AMBRA1: variants seen among roughly 807,000 people sequenced by gnomAD.
The protein encoded by AMBRA1 is activating molecule in BECN1-regulated autophagy protein 1.
AMBRA1 carries 47 observed loss-of-function variants against 125.4 expected under a neutral mutation model. The ratio of observed to expected loss-of-function variants is 0.37; its 90% CI spans 0.30 to 0.48. The LOEUF (loss-of-function observed/expected upper bound fraction) is 0.48, where lower values mean the gene tolerates loss of function less well. AMBRA1 is among the 20% of genes least tolerant of loss of function. AMBRA1 has a pLI of 0.99. For synonymous variants in AMBRA1, 626 were observed against 655.5 expected (o/e 0.95, Z 0.69); for missense variants, 1,331 against 1,693.4 (o/e 0.79, Z 3.76).
rs1234038635 is a variant in AMBRA1, at chr11:46,545,170, G to C, written c.551+434C>G. ...AAAAAAAAAAAAAAGCCGGGGGGGG[G>C]GGGGTGGTGGTGGGCATGGTGGCTC... On this transcript the variant is annotated intron_variant, in intron 5 of 17. Coordinates refer to ENST00000683756, the MANE Select transcript of AMBRA1 (RefSeq NM_001387011.1). Among the ~76,000 whole-genome samples, 15 of 142,606 alleles carry C rather than the reference G, an allele frequency of 1.1e-4. 2 individuals are homozygous for C. Among genetic ancestry groups the C allele is most frequent in the South Asian group, 4.8e-4 (2 of 4,182 alleles). 93.6% of individuals were successfully genotyped at this position (142,606 alleles called of 152,430 possible).
At chr11:46,577,452 G>C (rs796691002) in intron 1 of AMBRA1, among the ~76,000 whole-genome samples, 1 of 152,052 alleles carries the variant, frequency 6.6e-6, no homozygotes, top group Non-Finnish European at 1.5e-5. Flanking sequence ...GTTATCAGGG[G>C]CTGGAGGAAG....
At chr11:46,525,674 C>A (rs572541382) in intron 7 of AMBRA1, among the ~76,000 whole-genome samples, 29 of 152,186 alleles carry the variant, frequency 1.9e-4, no homozygotes, top group East Asian at 1.7e-3. Context: ...TCATTTGAAT[C>A]CGGGAGGCGG....
chr11:46,580,278 C>A (rs1406931069), intron 1 of AMBRA1, among the ~76,000 whole-genome samples: 1 of 152,168 alleles, frequency 6.6e-6, no homozygotes, highest in Non-Finnish European at 1.5e-5. Context: ...CTACTCTATA[C>A]TTGTTCTCTA....
chr11:46,520,640 G>C (rs907886678), intron 7 of AMBRA1, among the ~76,000 whole-genome samples: 1 of 149,196 alleles, frequency 6.7e-6, no homozygotes, highest in Non-Finnish European at 1.5e-5. Flanking sequence ...CTGTCACCAA[G>C]GCTGGAGTGC....
intron 17 of AMBRA1, among the ~76,000 whole-genome samples, chr11:46,400,889 C>G (rs1178582583): frequency 6.6e-6 from 1 of 152,200 alleles, no homozygotes; most frequent in Non-Finnish European, 1.5e-5. Flanking sequence ...TGCCCTTCCC[C>G]ACTTCCTCCT....
At chr11:46,557,831 G>A (rs1409678842) in intron 1 of AMBRA1, among the ~76,000 whole-genome samples, 1 of 151,950 alleles carries the variant, frequency 6.6e-6, no homozygotes, top group East Asian at 1.9e-4. Flanking sequence ...ACATAGCCCG[G>A]CATGGTGATG....
intron 11 of AMBRA1, chr11:46,490,925 G>A (rs1950436569): frequency 6.6e-6 from 1 of 152,166 alleles, no homozygotes; most frequent in African/African-American, 2.4e-5. Context: ...GCCTTTCCAG[G>A]AAAATTGGGA....
At chr11:46,563,316 C>G (rs1216440396) in intron 1 of AMBRA1, among the ~76,000 whole-genome samples, 1 of 152,094 alleles carries the variant, frequency 6.6e-6, no homozygotes, top group East Asian at 1.9e-4. Flanking sequence ...ACTTGACTTC[C>G]CAGGAGTAAG....
intron 13 of AMBRA1, among the ~76,000 whole-genome samples, chr11:46,434,634 G>GT (rs1565154990): frequency 6.6e-6 from 1 of 152,132 alleles, no homozygotes; most frequent in East Asian, 1.9e-4. Context: ...CCTGACCGTC[G>GT]TAACAGGGGC....
intron 7 of AMBRA1, among the ~76,000 whole-genome samples, chr11:46,528,415 C>A (rs938849011): frequency 6.6e-6 from 1 of 152,224 alleles, no homozygotes; most frequent in East Asian, 1.9e-4. Context: ...AAGTGCTCTG[C>A]CTGCCTTGGA....
At chr11:46,522,499 ATGAG>A (rs1437867055) in intron 7 of AMBRA1, among the ~76,000 whole-genome samples, 1 of 152,062 alleles carries the variant, frequency 6.6e-6, no homozygotes, top group Non-Finnish European at 1.5e-5. Context: ...TCACCAGAGG[ATGAG>A]TAAGACCAAA....
intron 9 of AMBRA1, among the ~76,000 whole-genome samples, chr11:46,495,986 G>A (rs1950616225): frequency 6.6e-6 from 1 of 152,160 alleles, no homozygotes; most frequent in South Asian, 2.1e-4. Flanking sequence ...GCACAGTGGT[G>A]TGCATCTGTA....
intron 1 of AMBRA1, among the ~76,000 whole-genome samples, chr11:46,587,489 CA>C (rs1320266393): frequency 3.9e-5 from 6 of 152,120 alleles, no homozygotes; most frequent in African/African-American, 1.4e-4. Flanking sequence ...AAATATCAGA[CA>C]CATATTACAT....
intron 1 of AMBRA1, among the ~76,000 whole-genome samples, chr11:46,571,064 C>G (rs1347983664): frequency 6.6e-6 from 1 of 152,222 alleles, no homozygotes; most frequent in Non-Finnish European, 1.5e-5. Flanking sequence ...AAAACTCCAG[C>G]TATCTTCCCA....
intron 9 of AMBRA1, among the ~76,000 whole-genome samples, chr11:46,500,283 A>T (rs187403799): frequency 1.3e-5 from 2 of 149,384 alleles, no homozygotes; most frequent in East Asian, 3.9e-4. Context: ...AGGACTTAGC[A>T]TTTTTTTTTT....
At chr11:46,473,677 A>C (rs2136890711) in intron 11 of AMBRA1, among the ~76,000 whole-genome samples, 1 of 152,336 alleles carries the variant, frequency 6.6e-6, no homozygotes, top group Admixed American at 6.5e-5. Flanking sequence ...TTTGAGACGG[A>C]GTCTCGCACT....
chr11:46,509,627 C>T (rs1478033531), intron 8 of AMBRA1, among the ~76,000 whole-genome samples: 1 of 152,060 alleles, frequency 6.6e-6, no homozygotes, highest in Admixed American at 6.5e-5. Flanking sequence ...AGAGAATAAA[C>T]TATTCCTATA....
chr11:46,517,091 A>G (rs1002391141), intron 7 of AMBRA1, among the ~76,000 whole-genome samples: 1 of 150,904 alleles, frequency 6.6e-6, no homozygotes, highest in Non-Finnish European at 1.5e-5. Context: ...AGGGGGAAAT[A>G]TTACAACTTC....
At chr11:46,407,282 G>A (rs1002249770) in intron 17 of AMBRA1, among the ~76,000 whole-genome samples, 8 of 152,170 alleles carry the variant, frequency 5.3e-5, no homozygotes, top group East Asian at 1.9e-4. Context: ...AATCCCTCTC[G>A]CTGTCAGGGG....
Sources: gnomAD v4.1 joint callset for allele counts (sites outside exome capture counted in the v4.1 genomes callset) on GRCh38, gnomAD v4.1.1 for gene constraint, MANE v1.5 for transcripts, NCBI Gene and HGNC (gene_info 2026-07-23, HGNC 2026-07-21) for gene names.